Variants in GPC3 observed in about 807,000 individuals in gnomAD.
GPC3 encodes glypican 3, also known as glypican-3.
GPC3 carries 3 observed loss-of-function variants against 34.4 expected under a neutral mutation model. The ratio of observed to expected loss-of-function variants is 0.09; its 90% CI spans 0.04 to 0.23. GPC3 has a LOEUF of 0.23. Among genes scored for constraint, GPC3 ranks in the 10% least tolerant of loss-of-function variants. The pLI, the probability that GPC3 is intolerant of heterozygous loss-of-function variation, is 1.00. For synonymous variants in GPC3, 177 were observed against 174.0 expected (o/e 1.02, Z -0.13); for missense variants, 351 against 445.6 (o/e 0.79, Z 1.91).
chrX:133,637,773 G>C lies in GPC3; in HGVS notation c.1413+23957C>G, dbSNP rs574817958. On this transcript the variant is annotated intron_variant, in intron 6 of 7. Coordinates refer to ENST00000370818, the MANE Select transcript of GPC3 (RefSeq NM_004484.4). ...TCTTCCCACTTCAGCCTCTCGAGTA[G>C]CTGGGAACACAGATGCATGCCACCA... Among the ~76,000 whole-genome samples, 132 of 110,890 alleles carry C rather than the reference G, an allele frequency of 1.2e-3. 2 individuals carry two copies. The South Asian group carries it at 0.05, about 42-fold the overall frequency.
chrX:133,965,897 G>C (rs775559631), intron 1 of GPC3, among the ~76,000 whole-genome samples: 88 of 103,584 alleles, frequency 8.5e-4, no homozygotes, highest in Non-Finnish European at 1.4e-3. Context: ...GAAGGAGTAG[G>C]GGGGAGAGAG....
intron 6 of GPC3, 64 bp from the exon 7 acceptor site, chrX:133,596,663 G>A: frequency 9.6e-7 from 1 of 1,040,474 alleles, no homozygotes; most frequent in Non-Finnish European, 1.4e-6. Context: ...TGCACAGTGT[G>A]TTATTAACAG....
At chrX:133,795,202 A>C (rs1273048792) in intron 2 of GPC3, among the ~76,000 whole-genome samples, 1 of 112,876 alleles carries the variant, frequency 8.9e-6, no homozygotes, top group Admixed American at 9.4e-5. Context: ...AACCAGAAAC[A>C]ACTGATATAA....
intron 2 of GPC3, among the ~76,000 whole-genome samples, chrX:133,894,638 G>A (rs1468195768): frequency 9.0e-6 from 1 of 111,577 alleles, no homozygotes; most frequent in Non-Finnish European, 1.9e-5. Flanking sequence ...TCAGGAGTTC[G>A]AGACCAGCCT....
intron 1 of GPC3, among the ~76,000 whole-genome samples, chrX:133,954,276 T>C (rs1438540378): frequency 1.8e-5 from 2 of 112,386 alleles, no homozygotes; most frequent in South Asian, 3.7e-4. Context: ...CGGGTGTATA[T>C]GCATGTCAAA....
intron 5 of GPC3, among the ~76,000 whole-genome samples, chrX:133,663,224 G>A (rs1049471047): frequency 8.9e-6 from 1 of 111,909 alleles, no homozygotes; most frequent in African/African-American, 3.2e-5. Context: ...GATTACTTGA[G>A]CCCAGGAGTT....
intron 6 of GPC3, among the ~76,000 whole-genome samples, chrX:133,619,122 C>T (rs2070201270): frequency 9.0e-6 from 1 of 111,694 alleles, no homozygotes; most frequent in African/African-American, 3.3e-5. Flanking sequence ...AAATCAAAAC[C>T]ACAATGAGAT....
chrX:133,700,574 A>G (rs1046050286), intron 3 of GPC3, among the ~76,000 whole-genome samples: 5 of 111,428 alleles, frequency 4.5e-5, no homozygotes, highest in Non-Finnish European at 9.4e-5. Flanking sequence ...CAAGGGAAGA[A>G]GGCAAGTCAA....
At chrX:133,604,012 A>G (rs2070017685) in intron 6 of GPC3, among the ~76,000 whole-genome samples, 1 of 111,463 alleles carries the variant, frequency 9.0e-6, no homozygotes, top group African/African-American at 3.3e-5. Flanking sequence ...TTGATTGCAA[A>G]GATATGAAGC....
intron 2 of GPC3, among the ~76,000 whole-genome samples, chrX:133,891,593 C>T (rs865839141): frequency 9.2e-6 from 1 of 108,512 alleles, no homozygotes; most frequent in African/African-American, 3.4e-5. Flanking sequence ...CTTAGAGAGA[C>T]CCTGTTTCTA....
chrX:133,588,871 A>G (rs1195486362), intron 7 of GPC3, among the ~76,000 whole-genome samples: 1 of 112,159 alleles, frequency 8.9e-6, no homozygotes, highest in Admixed American at 9.5e-5. Flanking sequence ...ATAATAAGTT[A>G]TAATCCAATG....
At position 133,934,471 on chromosome X, in the gene GPC3, A is replaced by G. The variant is rs749664683; in HGVS notation, c.337+18579T>C. The stretch of plus-strand genomic sequence containing the variant: ...TGGCCTCCCAAAGTGCTGGGATTAC[A>G]GGTGTGAGCCACCAAGACCAGCCAA... On this transcript the variant is annotated intron_variant, in intron 2 of 7. Coordinates refer to ENST00000370818, the MANE Select transcript of GPC3 (RefSeq NM_004484.4). Among the ~76,000 whole-genome samples the G allele has an allele frequency of 6.3e-5, 7 of 110,275 alleles. No homozygotes were observed. The East Asian group carries it at 2.0e-3, about 31-fold the overall frequency.
intron 6 of GPC3, among the ~76,000 whole-genome samples, chrX:133,607,426 T>C (rs751698070): frequency 5.1e-4 from 57 of 111,568 alleles, no homozygotes; most frequent in Non-Finnish European, 7.2e-4. Flanking sequence ...TCACTGATTT[T>C]TTTTTTCTTT....
intron 5 of GPC3, among the ~76,000 whole-genome samples, chrX:133,682,882 G>A (rs1026505434): frequency 9.3e-6 from 1 of 107,785 alleles, no homozygotes; most frequent in Non-Finnish European, 1.9e-5. Flanking sequence ...CAGGAGAATC[G>A]CTTGAATCCG....
At chrX:133,640,138 A>G (rs919297307) in intron 6 of GPC3, among the ~76,000 whole-genome samples, 5 of 112,072 alleles carry the variant, frequency 4.5e-5, no homozygotes, top group African/African-American at 1.6e-4. Flanking sequence ...TTCCTGTCTT[A>G]GGCACAGTAA....
intron 5 of GPC3, among the ~76,000 whole-genome samples, chrX:133,689,739 TA>T (rs943530613): frequency 1.8e-5 from 2 of 112,014 alleles, no homozygotes; most frequent in Non-Finnish European, 3.8e-5. Flanking sequence ...CATCAGTAAA[TA>T]AATATATTTG....
chrX:133,660,269 T>C (rs1468996937), intron 6 of GPC3, among the ~76,000 whole-genome samples: 1 of 112,466 alleles, frequency 8.9e-6, no homozygotes, highest in South Asian at 3.7e-4. Flanking sequence ...CTCATACCAA[T>C]GTCTTTGTAT....
At chrX:133,602,294 T>A (rs1005218282) in intron 6 of GPC3, among the ~76,000 whole-genome samples, 1 of 111,475 alleles carries the variant, frequency 9.0e-6, no homozygotes, top group Admixed American at 9.5e-5. Context: ...AGCCAATAGA[T>A]ACAAAATTAC....
intron 2 of GPC3, among the ~76,000 whole-genome samples, chrX:133,944,998 G>C (rs1300057148): frequency 8.9e-6 from 1 of 111,807 alleles, no homozygotes; most frequent in Non-Finnish European, 1.9e-5. Context: ...GCCCTTTGCT[G>C]CCTCCTAGGT....
Sources: allele counts gnomAD v4.1 joint callset (sites outside exome capture counted in the v4.1 genomes callset), GRCh38; gene constraint gnomAD v4.1.1; transcripts MANE v1.5; gene names NCBI Gene and HGNC (gene_info 2026-07-23, HGNC 2026-07-21).